Variants in KLF12 observed in about 807,000 individuals in gnomAD.
KLF12 encodes the protein Krueppel-like factor 12.
A neutral mutation model predicts 37.8 loss-of-function variants in KLF12; 9 were observed. The ratio of observed to expected loss-of-function variants is 0.24; its 90% confidence interval spans 0.14 to 0.42. The LOEUF (loss-of-function observed/expected upper bound fraction) is 0.42, where lower values mean the gene tolerates loss of function less well. Ranked by LOEUF, KLF12 falls within the 10% of genes least tolerant of loss-of-function variation. KLF12 has a pLI of 1.00. For missense variants in KLF12, 411 were observed against 516.0 expected (o/e 0.80, Z 1.97); for synonymous variants, 208 against 202.1 (o/e 1.03, Z -0.25).
At chr13:74,222,277 A>C in the KLF12 span, among the ~76,000 whole-genome samples, 2 of 152,336 alleles carry the variant, frequency 1.3e-5, no homozygotes, top group South Asian at 4.1e-4. Context: ...AACATTTGGC[A>C]TTCTCCTCAG....
chr13:74,217,921 C>T, the KLF12 span, among the ~76,000 whole-genome samples: 2 of 152,182 alleles, frequency 1.3e-5, no homozygotes, highest in African/African-American at 4.8e-5. Context: ...ATAACCCCAA[C>T]TCTTCCATAT....
intron 1 of KLF12, among the ~76,000 whole-genome samples, chr13:74,127,591 T>C (rs1457939173): frequency 6.6e-6 from 1 of 152,242 alleles, no homozygotes; most frequent in Non-Finnish European, 1.5e-5. Flanking sequence ...ATCAGTTATA[T>C]TGAAGAGATA....
intron 1 of KLF12, among the ~76,000 whole-genome samples, chr13:74,058,387 C>T (rs1873378507): frequency 7.5e-6 from 1 of 133,004 alleles, no homozygotes; most frequent in Non-Finnish European, 1.6e-5. Flanking sequence ...GACAGAGTCT[C>T]GCTCTGTCAC....
chr13:73,977,621 C>A (rs1891568073), intron 2 of KLF12, among the ~76,000 whole-genome samples: 1 of 152,052 alleles, frequency 6.6e-6, no homozygotes, highest in African/African-American at 2.4e-5. Context: ...CAAATTAATT[C>A]TAATGTTTAT....
chr13:73,771,350 G>C (rs970948436), intron 5 of KLF12, among the ~76,000 whole-genome samples: 5 of 152,084 alleles, frequency 3.3e-5, no homozygotes, highest in Non-Finnish European at 7.4e-5. Context: ...TGTATTATTG[G>C]CCTGATTTTC....
intron 6 of KLF12, among the ~76,000 whole-genome samples, chr13:73,752,715 C>T (rs1267168540): frequency 7.0e-6 from 1 of 143,414 alleles, no homozygotes; most frequent in African/African-American, 2.6e-5. Flanking sequence ...TTCCCCTGCT[C>T]CCTTCCACAT....
intron 1 of KLF12, among the ~76,000 whole-genome samples, chr13:74,088,870 A>G (rs1875479408): frequency 6.6e-6 from 1 of 152,244 alleles, no homozygotes; most frequent in Non-Finnish European, 1.5e-5. Flanking sequence ...AATCATGACT[A>G]AAGATATAAA....
At chr13:74,235,869 ACAC>A in the KLF12 span, among the ~76,000 whole-genome samples, 3 of 151,808 alleles carry the variant, frequency 2.0e-5, no homozygotes, top group African/African-American at 7.3e-5. Context: ...TTGGATATAC[ACAC>A]ATTTACTTTC....
chr13:73,914,754 T>TG (rs1304062627), intron 3 of KLF12, among the ~76,000 whole-genome samples: 1 of 152,054 alleles, frequency 6.6e-6, no homozygotes, highest in African/African-American at 2.4e-5. Flanking sequence ...CTTTAGTAAA[T>TG]GGTCTGGGTG....
At chr13:74,152,351 C>G in the KLF12 span, among the ~76,000 whole-genome samples, 1 of 152,096 alleles carries the variant, frequency 6.6e-6, no homozygotes. Context: ...AAAGTATGAA[C>G]TCAGTAAGTT....
intron 2 of KLF12, among the ~76,000 whole-genome samples, chr13:73,955,854 A>T (rs1337177965): frequency 6.7e-6 from 1 of 148,990 alleles, no homozygotes; most frequent in African/African-American, 2.5e-5. Context: ...CATTTAGGGC[A>T]ATATGAAGTC....
At chr13:73,849,021 T>C (rs1370817906) in intron 3 of KLF12, among the ~76,000 whole-genome samples, 1 of 152,134 alleles carries the variant, frequency 6.6e-6, no homozygotes, top group Non-Finnish European at 1.5e-5. Context: ...TATGCAATGA[T>C]TATGGTGCAG....
chr13:74,283,905 G>A, the KLF12 span, among the ~76,000 whole-genome samples: 3 of 150,728 alleles, frequency 2.0e-5, no homozygotes, highest in African/African-American at 7.3e-5. Context: ...TGTCACCCAG[G>A]CTGGAGTGCA....
At chr13:74,168,488 T>C in the KLF12 span, among the ~76,000 whole-genome samples, 9 of 152,332 alleles carry the variant, frequency 5.9e-5, no homozygotes, top group African/African-American at 1.7e-4. Context: ...TGCAACAACT[T>C]GTGAAATAGT....
chr13:73,939,487 TTAAA>T (rs1890094463), intron 3 of KLF12, among the ~76,000 whole-genome samples: 1 of 152,146 alleles, frequency 6.6e-6, no homozygotes, highest in African/African-American at 2.4e-5. Flanking sequence ...CCAGATATCC[TTAAA>T]TAAAAATTCA....
chr13:74,244,642 T>C, the KLF12 span, among the ~76,000 whole-genome samples: 3 of 152,198 alleles, frequency 2.0e-5, no homozygotes, highest in African/African-American at 7.2e-5. Context: ...CCCTCCACTG[T>C]GGGTTTTGGG....
At chr13:74,185,141 T>C in the KLF12 span, among the ~76,000 whole-genome samples, 1,054 of 152,348 alleles carry the variant, frequency 6.9e-3, 7 homozygotes, top group Non-Finnish European at 0.01. Flanking sequence ...GGAGTTGAGG[T>C]ACCCAATTGT....
chr13:74,099,952 AG>A (rs1167353567), intron 1 of KLF12, among the ~76,000 whole-genome samples: 1 of 152,240 alleles, frequency 6.6e-6, no homozygotes, highest in Non-Finnish European at 1.5e-5. Context: ...TTTTGTGCCC[AG>A]CAGCACCCAG....
At chr13:74,298,791 C>T in the KLF12 span, among the ~76,000 whole-genome samples, 25 of 152,082 alleles carry the variant, frequency 1.6e-4, no homozygotes, top group African/African-American at 6.0e-4. Context: ...TAGCATATTC[C>T]TGCTTCTTAA....
Sources: gnomAD v4.1 joint callset for allele counts (sites outside exome capture counted in the v4.1 genomes callset) on GRCh38, gnomAD v4.1.1 for gene constraint, MANE v1.5 for transcripts, NCBI Gene and HGNC (gene_info 2026-07-23, HGNC 2026-07-21) for gene names.